Variants in ARL14EPL observed in about 807,000 individuals in gnomAD.
The protein encoded by ARL14EPL is ARF like GTPase 14 effector protein like.
ARL14EPL carries 17 observed loss-of-function variants against 15.9 expected under a neutral mutation model. The ratio of observed to expected loss-of-function variants is 1.07; its 90% CI spans 0.73 to 1.60. The LOEUF (loss-of-function observed/expected upper bound fraction) is 1.60. Among genes scored for constraint, ARL14EPL ranks in the 40% most tolerant of loss-of-function variants. The pLI is 0.00. For missense variants in ARL14EPL, 214 were observed against 185.9 expected, an observed-to-expected ratio of 1.15 and a Z score of -0.88; for synonymous variants, 78 against 63.8, an observed-to-expected ratio of 1.22 and a Z score of -1.06.
At chr5:116,058,684 T>C (rs1372683061) in intron 3 of ARL14EPL, 41 bp from the exon 4 acceptor site, 1 of 1,505,894 alleles carries the variant, frequency 6.6e-7, no homozygotes, top group Non-Finnish European at 8.9e-7. Flanking sequence ...ATGTTGAGGA[T>C]GATTGCACTG....
intron 1 of ARL14EPL, among the ~76,000 whole-genome samples, chr5:116,040,847 G>A (rs933714703): frequency 1.2e-4 from 18 of 149,470 alleles, no homozygotes; most frequent in African/African-American, 3.2e-4. Context: ...CGGGCGTGGT[G>A]GCGGGCGCCT....
chr5:116,052,494 T>C (rs28425521), intron 2 of ARL14EPL, among the ~76,000 whole-genome samples: 28,613 of 152,184 alleles, frequency 0.19, 3,307 homozygotes, highest in East Asian at 0.34. Flanking sequence ...GGCCTAGAGA[T>C]GTAGCAATTT....
At position 116,054,030 on chromosome 5, in the gene ARL14EPL, A is replaced by G. The variant is rs1427661245; in HGVS notation, c.113A>G (p.Gln38Arg). ...GQKQLQQIERQLKCLAFRNPG... is the reference protein window; with the variant it reads ...GQKQLQQIERRLKCLAFRNPG... ...GTTTAATAGCAACAAATAGAGCGGC[A>G]GTTAAAATGCTTGGCATTTCGAAAC... Residue 38 changes from glutamine to arginine, a missense_variant, in exon 3 of 4, where the codon CAG becomes CGG. By Grantham distance (43) the Gln-to-Arg change is conservative. Coordinates refer to ENST00000686077, the MANE Select transcript of ARL14EPL (RefSeq NM_001195581.2). The G allele has an allele frequency of 3.3e-6, 5 of 1,534,946 alleles. No individual in the cohort carries two copies. The highest frequency in any genetic ancestry group is 4.4e-6 in the Non-Finnish European group (5 of 1,146,368).
chr5:116,036,380 C>A (rs1749050337), intron 1 of ARL14EPL, among the ~76,000 whole-genome samples: 1 of 148,496 alleles, frequency 6.7e-6, no homozygotes, highest in African/African-American at 2.5e-5. Context: ...CTGGAAATAA[C>A]AGGCAGTGCT....
intron 3 of ARL14EPL, among the ~76,000 whole-genome samples, chr5:116,055,343 G>C (rs900446641): frequency 6.6e-6 from 1 of 152,170 alleles, no homozygotes; most frequent in African/African-American, 2.4e-5. Flanking sequence ...TACATGTATA[G>C]GGAGATATGT....
chr5:116,053,209 A>G (rs2940565), intron 2 of ARL14EPL, among the ~76,000 whole-genome samples: 122,596 of 151,958 alleles, frequency 0.81, 49,956 homozygotes, highest in African/African-American at 0.88. Flanking sequence ...AAAATTAGCC[A>G]AGCATGGTGG....
At chr5:116,033,113 CTTAATTG>C (rs1292264604) in intron 1 of ARL14EPL, among the ~76,000 whole-genome samples, 2 of 152,066 alleles carry the variant, frequency 1.3e-5, no homozygotes, top group African/African-American at 4.8e-5. Context: ...GCTATGTATT[CTTAATTG>C]TTACACTCTA....
intron 1 of ARL14EPL, among the ~76,000 whole-genome samples, chr5:116,046,297 T>C (rs902027830): frequency 6.6e-6 from 1 of 152,218 alleles, no homozygotes; most frequent in Non-Finnish European, 1.5e-5. Context: ...AGAATTTAAA[T>C]GGAACGTTTC....
Position 116,057,970 on chromosome 5 carries a change from G to C in ARL14EPL, c.237-755G>C, listed in dbSNP as rs569058654. Among the ~76,000 whole-genome samples, 8 of 152,286 alleles carry C rather than the reference G, an allele frequency of 5.3e-5. 1 individual carries two copies. The South Asian group carries it at 1.7e-3, about 32-fold the overall frequency. On this transcript the variant is annotated intron_variant, in intron 3 of 3. Coordinates refer to ENST00000686077, the MANE Select transcript of ARL14EPL (RefSeq NM_001195581.2). Reference sequence around the variant, plus strand: ...TGAAGGATTTATTTCAAAATGGTTGGGTTTGAGAAGGTAGTAGGATTCCTG... The same window carrying C: ...TGAAGGATTTATTTCAAAATGGTTGCGTTTGAGAAGGTAGTAGGATTCCTG...
At chr5:116,045,556 G>A (rs948444143) in intron 1 of ARL14EPL, among the ~76,000 whole-genome samples, 3 of 152,152 alleles carry the variant, frequency 2.0e-5, no homozygotes, top group Non-Finnish European at 4.4e-5. Flanking sequence ...ATCTGTCAGT[G>A]ACCCAGACAG....
chr5:116,043,734 T>TA (rs1217791192), intron 1 of ARL14EPL, among the ~76,000 whole-genome samples: 1 of 152,176 alleles, frequency 6.6e-6, no homozygotes, highest in African/African-American at 2.4e-5. Flanking sequence ...ACTTTAATTT[T>TA]AAAAAAACCT....
At chr5:116,039,178 G>A (rs1222637023) in intron 1 of ARL14EPL, among the ~76,000 whole-genome samples, 1 of 152,114 alleles carries the variant, frequency 6.6e-6, no homozygotes, top group Non-Finnish European at 1.5e-5. Context: ...TCCCGAACAG[G>A]GTTTGGTGGG....
rs573671747 is a variant in ARL14EPL at position 116,042,942 on chromosome 5, C to A, written c.-9-8515C>A. ...TTGTCTTATATAACTCTATAGAGAT[C>A]TCCCTTACTGTTTTCTATTTTTTTA... On this transcript the variant is annotated intron_variant, in intron 1 of 3. Coordinates refer to ENST00000686077, the MANE Select transcript of ARL14EPL (RefSeq NM_001195581.2). Among the ~76,000 whole-genome samples the A allele has an allele frequency of 3.1e-4, 47 of 152,176 alleles. No homozygotes were observed. In the South Asian group the frequency reaches 9.8e-3, roughly 32 times the overall value.
At chr5:116,051,653 C>G (rs2112677669) in intron 2 of ARL14EPL, 92 bp downstream of exon 2, 1 of 1,114,904 alleles carries the variant, frequency 9.0e-7, no homozygotes, top group African/African-American at 1.6e-5. Flanking sequence ...GGAAGGTGGG[C>G]CCAGGCAGGA....
At chr5:116,048,606 T>C (rs944159428) in intron 1 of ARL14EPL, among the ~76,000 whole-genome samples, 1 of 152,202 alleles carries the variant, frequency 6.6e-6, no homozygotes, top group Non-Finnish European at 1.5e-5. Context: ...CAAGATCTAG[T>C]AGCATGTCTA....
rs996658964 is a variant in ARL14EPL, at chr5:116,057,888, G to C, written c.237-837G>C. Among the ~76,000 whole-genome samples, 5 of 152,312 alleles carry C rather than the reference G, an allele frequency of 3.3e-5. No homozygotes were observed. The East Asian group carries it at 9.6e-4, about 29-fold the overall frequency. On this transcript the variant is annotated intron_variant, in intron 3 of 3. Transcript: ENST00000686077. The stretch of plus-strand genomic sequence containing the variant: ...CTTTTGGACTTCAGTGGTAATAACG[G>C]CTATCAGTTATACAGAGGTATTTTT...
At chr5:116,051,830 T>C (rs894652310) in intron 2 of ARL14EPL, 3 of 1,001,284 alleles carry the variant, frequency 3.0e-6, no homozygotes, top group East Asian at 2.6e-5. Context: ...GGAGAATATA[T>C]ACAAACGTTT....
At chr5:116,047,907 G>A (rs1397824137) in intron 1 of ARL14EPL, among the ~76,000 whole-genome samples, 3 of 152,152 alleles carry the variant, frequency 2.0e-5, no homozygotes, top group African/African-American at 4.8e-5. Flanking sequence ...GAAGAGAATG[G>A]GGCTGAGAGA....
At chr5:116,039,570 C>T (rs1284599554) in intron 1 of ARL14EPL, among the ~76,000 whole-genome samples, 1 of 151,810 alleles carries the variant, frequency 6.6e-6, no homozygotes, top group African/African-American at 2.4e-5. Context: ...AGATTTATAT[C>T]CCGAAATGCT....
Sources: allele counts gnomAD v4.1 joint callset (sites outside exome capture counted in the v4.1 genomes callset), GRCh38; gene constraint gnomAD v4.1.1; transcripts MANE v1.5; gene names NCBI Gene and HGNC (gene_info 2026-07-23, HGNC 2026-07-21).